CDH18: variants seen among roughly 807,000 people sequenced by gnomAD.
CDH18 encodes cadherin 18, also known as cadherin-18.
A neutral mutation model predicts 67.9 loss-of-function variants in CDH18; 31 were observed. The ratio of observed to expected loss-of-function variants is 0.46; its 90% CI spans 0.34 to 0.62. The LOEUF (loss-of-function observed/expected upper bound fraction) is 0.62, where lower values mean the gene tolerates loss of function less well. Among genes scored for constraint, CDH18 ranks in the 20% least tolerant of loss-of-function variants. CDH18 has a pLI of 0.01. For synonymous variants in CDH18, 362 were observed against 347.2 expected, an observed-to-expected ratio of 1.04 and a Z score of -0.48; for missense variants, 890 against 975.5, an observed-to-expected ratio of 0.91 and a Z score of 1.17.
In CDH18 at chr5:20,452,807, ATGAG is replaced by A. The variant is rs376757716; in HGVS notation, c.-580+122651_-580+122654del. On this transcript the variant is annotated intron_variant, in intron 1 of 14. Coordinates refer to the CDH18 transcript ENST00000507958. ...TATATAGTAAAATATCTAGTAACTT[ATGAG>A]TGAGAATTAAAATGCATTGGATATG... Among the ~76,000 whole-genome samples the A allele has an allele frequency of 4.2e-3, 636 of 152,262 alleles. 3 individuals are homozygous for A. The highest frequency in any genetic ancestry group is 0.015 in the African/African-American group (605 of 41,570).
At chr5:20,328,223 G>A (rs1470540102) in intron 1 of CDH18, among the ~76,000 whole-genome samples, 1 of 152,126 alleles carries the variant, frequency 6.6e-6, no homozygotes, top group Admixed American at 6.5e-5. Context: ...CACAAGATCA[G>A]GAAACCAAAG....
chr5:19,829,265 T>C (rs147133373), intron 3 of CDH18, among the ~76,000 whole-genome samples: 149 of 152,118 alleles, frequency 9.8e-4, no homozygotes, highest in Admixed American at 1.7e-3. Flanking sequence ...AGAGAGGAAG[T>C]CAAACTTTTT....
At chr5:20,432,802 G>A (rs1205718375) in intron 1 of CDH18, among the ~76,000 whole-genome samples, 1 of 151,462 alleles carries the variant, frequency 6.6e-6, no homozygotes, top group African/African-American at 2.4e-5. Flanking sequence ...TTGCATTCTG[G>A]GGTATTGGGG....
At chr5:20,069,975 C>A (rs1743331130) in intron 2 of CDH18, among the ~76,000 whole-genome samples, 1 of 152,078 alleles carries the variant, frequency 6.6e-6, no homozygotes, top group Non-Finnish European at 1.5e-5. Context: ...TGGGTGTGGG[C>A]AGAGATACAA....
chr5:19,510,948 A>T (rs185464566), intron 10 of CDH18, among the ~76,000 whole-genome samples: 1 of 152,084 alleles, frequency 6.6e-6, no homozygotes, highest in Non-Finnish European at 1.5e-5. Flanking sequence ...AGTAGCTGGG[A>T]TTACAAGCAC....
At chr5:20,056,777 G>T (rs1322029579) in intron 2 of CDH18, among the ~76,000 whole-genome samples, 3 of 137,226 alleles carry the variant, frequency 2.2e-5, no homozygotes, top group African/African-American at 8.1e-5. Flanking sequence ...TCCACCTCCC[G>T]GGTTCACGCC....
At chr5:19,644,605 A>C (rs555835437) in intron 5 of CDH18, among the ~76,000 whole-genome samples, 1 of 152,232 alleles carries the variant, frequency 6.6e-6, no homozygotes, top group South Asian at 2.1e-4. Context: ...GTTTTGATAT[A>C]ATTATACTAA....
intron 5 of CDH18, among the ~76,000 whole-genome samples, chr5:19,702,207 G>C (rs538115854): frequency 7.3e-6 from 1 of 137,632 alleles, no homozygotes; most frequent in East Asian, 2.2e-4. Context: ...GGAGTGCAAT[G>C]GTACAATCTC....
intron 2 of CDH18, among the ~76,000 whole-genome samples, chr5:20,133,778 GTGT>G: frequency 6.6e-6 from 1 of 151,882 alleles, no homozygotes; most frequent in Admixed American, 6.6e-5. Context: ...AAAATGATTT[GTGT>G]TGTTTTTTGA....
At chr5:19,773,384 T>C (rs953334350) in intron 3 of CDH18, among the ~76,000 whole-genome samples, 3 of 152,188 alleles carry the variant, frequency 2.0e-5, no homozygotes, top group Non-Finnish European at 2.9e-5. Context: ...GAGAGGGATA[T>C]AGCAGAAGCA....
At chr5:19,994,845 T>TAGAGAGAGAG (rs1216282321) in intron 2 of CDH18, among the ~76,000 whole-genome samples, 3 of 31,742 alleles carry the variant, frequency 9.5e-5, no homozygotes, top group African/African-American at 1.5e-4. Flanking sequence ...TATATATATA[T>TAGAGAGAGAG]ATATATATAT....
intron 1 of CDH18, among the ~76,000 whole-genome samples, chr5:20,386,735 A>G (rs1744341819): frequency 6.6e-6 from 1 of 152,118 alleles, no homozygotes; most frequent in East Asian, 1.9e-4. Flanking sequence ...ATATTAGCTG[A>G]AAACTCATAT....
intron 2 of CDH18, among the ~76,000 whole-genome samples, chr5:20,184,104 C>T (rs1314978243): frequency 6.6e-6 from 1 of 152,004 alleles, no homozygotes; most frequent in African/African-American, 2.4e-5. Context: ...AAGTTATTGA[C>T]TTTCAAAAAT....
At chr5:19,529,958 A>C (rs1748333869) in intron 9 of CDH18, among the ~76,000 whole-genome samples, 1 of 152,188 alleles carries the variant, frequency 6.6e-6, no homozygotes, top group Admixed American at 6.5e-5. Context: ...AGTTATATGC[A>C]ACAAAAACTG....
chr5:20,493,192 T>C (rs191362994), intron 1 of CDH18, among the ~76,000 whole-genome samples: 177 of 151,090 alleles, frequency 1.2e-3, no homozygotes, highest in African/African-American at 4.1e-3. Flanking sequence ...CTACTAAAAA[T>C]ACAAAAAACT....
intron 7 of CDH18, among the ~76,000 whole-genome samples, chr5:19,575,911 A>T (rs1742237613): frequency 6.6e-6 from 1 of 152,122 alleles, no homozygotes; most frequent in Admixed American, 6.5e-5. Context: ...TTGTAATTCA[A>T]CCACTTGCAG....
chr5:20,103,461 C>T (rs1746645481), intron 2 of CDH18, among the ~76,000 whole-genome samples: 1 of 151,568 alleles, frequency 6.6e-6, no homozygotes, highest in African/African-American at 2.4e-5. Context: ...CGCAGTGACT[C>T]ATGCCTGTAA....
intron 9 of CDH18, among the ~76,000 whole-genome samples, chr5:19,524,297 ATAT>A (rs776748618): frequency 8.7e-5 from 13 of 149,490 alleles, no homozygotes; most frequent in South Asian, 2.1e-4. Context: ...TGATGCTTGT[ATAT>A]TATTATATTA....
intron 2 of CDH18, among the ~76,000 whole-genome samples, chr5:20,109,848 TA>T (rs900441626): frequency 6.6e-6 from 1 of 152,182 alleles, no homozygotes; most frequent in Non-Finnish European, 1.5e-5. Context: ...TCTTTAGAAT[TA>T]AAAAAAATAC....
Sources: allele counts gnomAD v4.1 joint callset (sites outside exome capture counted in the v4.1 genomes callset), GRCh38; gene constraint gnomAD v4.1.1; transcripts MANE v1.5; gene names NCBI Gene and HGNC (gene_info 2026-07-23, HGNC 2026-07-21).